The following UVSSA variants were observed in gnomAD, a reference collection of about 807,000 sequenced individuals.
UVSSA encodes the protein UV-stimulated scaffold protein A.
A neutral mutation model predicts 73.9 loss-of-function variants in UVSSA; 72 were observed. The observed-to-expected ratio is 0.97, with a 90% CI of 0.81 to 1.19. The LOEUF (loss-of-function observed/expected upper bound fraction) is 1.19, where lower values mean the gene tolerates loss of function less well. Ranked by LOEUF, UVSSA falls within the 50% of genes most tolerant of loss-of-function variation. The pLI is 0.00. For synonymous variants in UVSSA, 454 were observed against 391.3 expected, an observed-to-expected ratio of 1.16 and a Z score of -1.89; for missense variants, 1,150 against 965.0, an observed-to-expected ratio of 1.19 and a Z score of -2.54.
Position 1,353,010 on chromosome 4 carries a change from G to T in UVSSA, c.551-20G>T, listed in dbSNP as rs773109686. The T allele has an allele frequency of 1.3e-6, 2 of 1,595,700 alleles. No homozygotes were observed. The highest frequency in any genetic ancestry group is 4.5e-5 in the East Asian group (2 of 44,718). ...TTGCTCCACATAGCGCAGCAAACAGGTGTCTTGATCTTCCGGCAGAAATGT... is the reference window on the plus strand; with the variant it reads ...TTGCTCCACATAGCGCAGCAAACAGTTGTCTTGATCTTCCGGCAGAAATGT... On this transcript the variant is annotated intron_variant, in intron 4 of 13. Transcript: ENST00000389851.
chr4:1,372,756 C>T (rs74536437), intron 8 of UVSSA, among the ~76,000 whole-genome samples: 570 of 52,412 alleles, frequency 0.011, 22 homozygotes, highest in East Asian at 0.044. Context: ...TCCCTGCACT[C>T]ACCTCCCGCG....
At chr4:1,372,236 G>C (rs1718140343) in intron 8 of UVSSA, among the ~76,000 whole-genome samples, 1 of 152,162 alleles carries the variant, frequency 6.6e-6, no homozygotes, top group Admixed American at 6.5e-5. Context: ...TGTTGCTAAA[G>C]ACATCCACTC....
upstream of UVSSA, among the ~76,000 whole-genome samples, chr4:1,346,731 G>C (rs1713740075): frequency 6.6e-6 from 1 of 152,110 alleles, no homozygotes; most frequent in Non-Finnish European, 1.5e-5. Flanking sequence ...CAGGTGAAGG[G>C]ACCTGGCTGC....
exon 14 of UVSSA, chr4:1,395,112 C>T (rs1720505932): frequency 7.6e-7 from 1 of 1,324,462 alleles, no homozygotes; most frequent in East Asian, 2.3e-5. Flanking sequence ...CTCGCCTGCT[C>T]ACACGTGCCG....
chr4:1,395,723 G>A (rs1416162359), exon 14 of UVSSA: 17 of 1,614,248 alleles, frequency 1.1e-5, no homozygotes, highest in Non-Finnish European at 1.4e-5. Flanking sequence ...TGGCATGGTG[G>A]TTCTGTAGGT....
intron 7 of UVSSA, among the ~76,000 whole-genome samples, chr4:1,365,654 C>T (rs775156438): frequency 2.6e-5 from 4 of 152,244 alleles, no homozygotes; most frequent in Non-Finnish European, 1.5e-5. Context: ...TCCTCAAGGA[C>T]AGAATGTTCC....
chr4:1,382,333 A>C lies in UVSSA; in HGVS notation c.1861+1345A>C, dbSNP rs568023183. 2.6e-3 allele frequency among the ~76,000 whole-genome samples: 393 copies of C among 152,322 alleles called. 1 individual carries two copies. The highest frequency in any genetic ancestry group is 9.1e-3 in the African/African-American group (377 of 41,588). ...AGGTATCAGGCCGCGGGCTGCGGCC[A>C]GCGCTGGCCAGTCAGATGTGAAATA... On this transcript the variant is annotated intron_variant, in intron 12 of 13. Coordinates refer to ENST00000389851, the MANE Select transcript of UVSSA (RefSeq NM_020894.4).
chr4:1,364,433 C>G (rs1717046839), intron 7 of UVSSA, among the ~76,000 whole-genome samples: 1 of 152,218 alleles, frequency 6.6e-6, no homozygotes, highest in African/African-American at 2.4e-5. Context: ...TGGGCTTTGT[C>G]TCTGGTGAAC....
In UVSSA at chr4:1,354,967, G is replaced by A; in HGVS notation, c.1047+120G>A. 4.6e-6 allele frequency: 7 copies of A among 1,530,740 alleles called. No individual in the cohort carries two copies. In the South Asian group the frequency reaches 7.4e-5, roughly 16 times the overall value. 94.8% of individuals were successfully genotyped at this position (1,530,740 alleles called of 1,614,324 possible). On this transcript the variant is annotated intron_variant, in intron 6 of 13. Transcript: ENST00000389851. Reference sequence around the variant, plus strand: ...ACTGAATGGCCCTTAACCCGCGAGGGCTCTGTCCCTCACCCGCAGCTTTGT... The same window carrying A: ...ACTGAATGGCCCTTAACCCGCGAGGACTCTGTCCCTCACCCGCAGCTTTGT...
chr4:1,349,946 C>T lies in UVSSA; in HGVS notation c.429+92C>T, dbSNP rs541124924. 789 of 1,222,342 alleles carry T rather than the reference C, an allele frequency of 6.5e-4. 1 individual carries two copies. Among genetic ancestry groups the T allele is most frequent in the Non-Finnish European group, 8.3e-4 (751 of 904,828 alleles). 75.7% of individuals were successfully genotyped at this position (1,222,342 alleles called of 1,614,324 possible). On this transcript the variant is annotated intron_variant, in intron 3 of 13. Transcript: ENST00000389851. ...GGTGAAGATGCGCCTCCTGTTGAAC[C>T]TAGCACAGCAGGGGCCTGCTTGGCC...
chr4:1,360,563 G>A (rs2336083), intron 7 of UVSSA, among the ~76,000 whole-genome samples: 49,643 of 152,094 alleles, frequency 0.33, 8,877 homozygotes, highest in Non-Finnish European at 0.41. Context: ...CTATGGCCGC[G>A]CCCAGAGGCT....
In UVSSA at chr4:1,353,089, G is replaced by C; in HGVS notation, c.610G>C (p.Val204Leu). 3 of 1,613,060 alleles carry C rather than the reference G, an allele frequency of 1.9e-6. No homozygotes were observed. Among genetic ancestry groups the C allele is most frequent in the Non-Finnish European group, 2.5e-6 (3 of 1,180,004 alleles). The change falls in exon 5 of 14, where the codon GTG becomes CTG. Residue 204 changes from valine to leucine, a missense_variant. Physicochemically the swap from Val to Leu is conservative, Grantham distance 32. Coordinates refer to ENST00000389851, the MANE Select transcript of UVSSA (RefSeq NM_020894.4). ...GGTAGAGAGCTGCTTTAGGCTGCTG[G>C]TGCCTTTTGACTTTGACCCGAACCC... Reference protein sequence around the residue: ...TEVESCFRLLVPFDFDPNPET... With the variant: ...TEVESCFRLLLPFDFDPNPET...
chr4:1,352,890 A>T, intron 4 of UVSSA, 140 bp from the exon 5 acceptor site: 1 of 1,176,938 alleles, frequency 8.5e-7, no homozygotes, highest in Non-Finnish European at 1.2e-6. Context: ...GGCTGGGGTG[A>T]GCTGTGATTG....
chr4:1,348,654 G>A (rs1046771728), intron 2 of UVSSA, among the ~76,000 whole-genome samples: 2 of 152,178 alleles, frequency 1.3e-5, no homozygotes, highest in African/African-American at 4.8e-5. Flanking sequence ...ATTCATGGGG[G>A]AAGCAAAACT....
At chr4:1,355,331 G>C in intron 7 of UVSSA, 86 bp downstream of exon 7, 1 of 1,377,478 alleles carries the variant, frequency 7.3e-7, no homozygotes, top group Non-Finnish European at 9.9e-7. Flanking sequence ...CCCTGGGCCT[G>C]TGGGCCCGGC....
chr4:1,356,264 G>A (rs1449926625), intron 7 of UVSSA, among the ~76,000 whole-genome samples: 1 of 152,078 alleles, frequency 6.6e-6, no homozygotes, highest in African/African-American at 2.4e-5. Context: ...AGCAGCAGAC[G>A]TGCGGGGCCT....
At chr4:1,371,996 T>A (rs1055960549) in intron 8 of UVSSA, among the ~76,000 whole-genome samples, 1 of 152,164 alleles carries the variant, frequency 6.6e-6, no homozygotes, top group African/African-American at 2.4e-5. Context: ...CAGCATGGCT[T>A]CTTATGTTTT....
chr4:1,359,072 G>A (rs969563437), intron 7 of UVSSA: 1 of 152,262 alleles, frequency 6.6e-6, no homozygotes, highest in Non-Finnish European at 1.5e-5. Flanking sequence ...TTCCCACTTG[G>A]TTTCTACGTA....
chr4:1,394,876 TGCGGA>T, exon 14 of UVSSA: 1 of 1,431,454 alleles, frequency 7.0e-7, no homozygotes, highest in Non-Finnish European at 9.2e-7. Context: ...CACGTGCCGA[TGCGGA>T]GTGCCCGCCT....
Sources: gnomAD v4.1 joint callset for allele counts (sites outside exome capture counted in the v4.1 genomes callset) on GRCh38, gnomAD v4.1.1 for gene constraint, MANE v1.5 for transcripts, NCBI Gene and HGNC (gene_info 2026-07-23, HGNC 2026-07-21) for gene names.